SLC4A10: variants seen among roughly 807,000 people sequenced by gnomAD.
SLC4A10 encodes solute carrier family 4 member 10, also known as sodium-driven chloride bicarbonate exchanger.
Under a neutral mutation model 137.7 loss-of-function variants are expected in SLC4A10, and 42 were observed. The ratio of observed to expected loss-of-function variants is 0.30; its 90% CI spans 0.24 to 0.39. The LOEUF is 0.39. Among genes scored for constraint, SLC4A10 ranks in the 10% least tolerant of loss-of-function variants. The pLI is 1.00. For missense variants in SLC4A10, 925 were observed against 1,355.0 expected, an observed-to-expected ratio of 0.68 and a Z score of 4.98; for synonymous variants, 474 against 464.1, an observed-to-expected ratio of 1.02 and a Z score of -0.27.
intron 1 of SLC4A10, among the ~76,000 whole-genome samples, chr2:161,661,275 G>A (rs2038354737): frequency 6.6e-6 from 1 of 152,146 alleles, no homozygotes; most frequent in South Asian, 2.1e-4. Context: ...GAGATCGAGA[G>A]ACTATCCTGG....
chr2:161,743,754 C>CTTCCAATACAT (rs1425924544), intron 1 of SLC4A10, among the ~76,000 whole-genome samples: 1 of 151,944 alleles, frequency 6.6e-6, no homozygotes, highest in African/African-American at 2.4e-5. Context: ...AACATTGATT[C>CTTCCAATACAT]TTCCAATACA....
intron 9 of SLC4A10, among the ~76,000 whole-genome samples, chr2:161,879,763 A>T (rs185988261): frequency 1.7e-4 from 26 of 152,158 alleles, no homozygotes; most frequent in African/African-American, 6.0e-4. Context: ...AGCGTCAAAT[A>T]TATGTTTCAA....
intron 1 of SLC4A10, among the ~76,000 whole-genome samples, chr2:161,754,339 T>C (rs2049345088): frequency 6.6e-6 from 1 of 152,124 alleles, no homozygotes; most frequent in Non-Finnish European, 1.5e-5. Flanking sequence ...TTTTTAAAAT[T>C]GCAATAGAAT....
At chr2:161,790,575 T>A (rs759557589) in intron 2 of SLC4A10, among the ~76,000 whole-genome samples, 10 of 152,160 alleles carry the variant, frequency 6.6e-5, no homozygotes, top group Non-Finnish European at 1.2e-4. Flanking sequence ...TTTTGCCTGT[T>A]AAACACTGGA....
chr2:161,753,855 GTTATTTATTTATTTATTTAT>G (rs151205439), intron 1 of SLC4A10, among the ~76,000 whole-genome samples: 14 of 134,750 alleles, frequency 1.0e-4, no homozygotes, highest in African/African-American at 3.4e-4. Flanking sequence ...AATAACTCGA[GTTATTTATTTATTTATTTAT>G]TTATTTATTT....
chr2:161,879,408 A>G (rs1204376067), intron 9 of SLC4A10, 120 bp downstream of exon 9: 7 of 1,040,706 alleles, frequency 6.7e-6, no homozygotes, highest in Non-Finnish European at 8.1e-6. Context: ...GAAATCCACA[A>G]AACTACTATT....
At chr2:161,771,351 T>G (rs145528851) in intron 2 of SLC4A10, among the ~76,000 whole-genome samples, 1 of 151,936 alleles carries the variant, frequency 6.6e-6, no homozygotes, top group Non-Finnish European at 1.5e-5. Flanking sequence ...TACAATCAAT[T>G]GAGACATGAT....
At chr2:161,906,825 C>T (rs534939068) in intron 15 of SLC4A10, among the ~76,000 whole-genome samples, 4 of 152,132 alleles carry the variant, frequency 2.6e-5, no homozygotes, top group Admixed American at 6.5e-5. Context: ...GAGGCCGAGG[C>T]GGGCGGATCA....
chr2:161,931,142 G>C (rs1031749208), intron 15 of SLC4A10: 1 of 152,134 alleles, frequency 6.6e-6, no homozygotes, highest in Admixed American at 6.6e-5. Context: ...TATTGGCCAG[G>C]CTAGTCTCCC....
chr2:161,964,059 C>T, intron 21 of SLC4A10, 76 bp from the exon 22 acceptor site: 4 of 1,302,656 alleles, frequency 3.1e-6, no homozygotes, highest in Non-Finnish European at 3.1e-6. Context: ...AATTGTGGAC[C>T]ATATTAAACA....
At chr2:161,771,961 T>C (rs1345843366) in intron 2 of SLC4A10, among the ~76,000 whole-genome samples, 1 of 151,896 alleles carries the variant, frequency 6.6e-6, no homozygotes, top group Non-Finnish European at 1.5e-5. Flanking sequence ...AACTTTGTAA[T>C]GTAACCATTT....
intron 3 of SLC4A10, among the ~76,000 whole-genome samples, chr2:161,835,559 G>C (rs1412870492): frequency 6.6e-6 from 1 of 152,172 alleles, no homozygotes; most frequent in Non-Finnish European, 1.5e-5. Context: ...AGTTTTGTGT[G>C]CCCTACAGGC....
chr2:161,871,857 G>T (rs1168986176), intron 6 of SLC4A10, among the ~76,000 whole-genome samples: 1 of 152,034 alleles, frequency 6.6e-6, no homozygotes, highest in Non-Finnish European at 1.5e-5. Flanking sequence ...AAAATATACT[G>T]TGTAATTTTC....
At position 161,901,021 on chromosome 2, in the gene SLC4A10, A is replaced by T. The variant is rs1329268959; in HGVS notation, c.1442+10A>T. The stretch of plus-strand genomic sequence containing the variant: ...TCCAGCGAACTGGAAGGTTAGTGAA[A>T]ATCACTTCTATGGGACTTCAAGGAC... On this transcript the variant is annotated intron_variant, in intron 12 of 26. Transcript: ENST00000446997. 1 of 1,545,384 alleles carries T rather than the reference A, an allele frequency of 6.5e-7. No homozygotes were observed. Among genetic ancestry groups the T allele is most frequent in the Non-Finnish European group, 8.8e-7 (1 of 1,139,702 alleles).
At chr2:161,954,708 A>G (rs1695353734) in intron 19 of SLC4A10, among the ~76,000 whole-genome samples, 1 of 152,240 alleles carries the variant, frequency 6.6e-6, no homozygotes, top group Admixed American at 6.5e-5. Flanking sequence ...GTTGTACAGC[A>G]TAATTAGGGG....
chr2:161,677,858 T>TA (rs2040434000), intron 1 of SLC4A10, among the ~76,000 whole-genome samples: 1 of 152,144 alleles, frequency 6.6e-6, no homozygotes. Flanking sequence ...ACGTGGGACT[T>TA]TTCTGTCTAT....
chr2:161,841,976 C>A (rs62187740), intron 4 of SLC4A10, among the ~76,000 whole-genome samples: 9,231 of 152,130 alleles, frequency 0.061, 365 homozygotes, highest in East Asian at 0.13. Context: ...TTTTCCACTT[C>A]ATATATTTGG....
chr2:161,927,506 C>A (rs1395417537), intron 15 of SLC4A10, among the ~76,000 whole-genome samples: 3 of 152,094 alleles, frequency 2.0e-5, no homozygotes, highest in Non-Finnish European at 2.9e-5. Flanking sequence ...GCAACAAAAG[C>A]CAAAATTGAC....
chr2:161,829,370 C>T (rs186659627), intron 3 of SLC4A10, among the ~76,000 whole-genome samples: 93 of 152,160 alleles, frequency 6.1e-4, no homozygotes, highest in African/African-American at 8.2e-4. Context: ...AGGCTGAAGA[C>T]GGCAGTATGT....
Sources: gnomAD v4.1 joint callset for allele counts (sites outside exome capture counted in the v4.1 genomes callset) on GRCh38, gnomAD v4.1.1 for gene constraint, MANE v1.5 for transcripts, NCBI Gene and HGNC (gene_info 2026-07-23, HGNC 2026-07-21) for gene names.